The following PDE1A variants were observed in gnomAD, a reference collection of about 807,000 sequenced individuals.
PDE1A encodes dual specificity calcium/calmodulin-dependent 3',5'-cyclic nucleotide phosphodiesterase 1A.
Under a neutral mutation model 61.7 loss-of-function variants are expected in PDE1A, and 35 were observed. That is an observed-to-expected ratio of 0.57 (90% CI 0.43 to 0.75). PDE1A has a LOEUF of 0.75. Ranked by LOEUF, PDE1A falls within the 30% of genes least tolerant of loss-of-function variation. The probability of loss-of-function intolerance (pLI) is 0.00; values close to 1 mark genes in which losing one functional copy is unlikely to be tolerated. For missense variants in PDE1A, 597 were observed against 630.6 expected (o/e 0.95, Z 0.57); for synonymous variants, 232 against 213.2 (o/e 1.09, Z -0.77).
At chr2:182,265,430 G>A (rs929109998) in intron 1 of PDE1A, among the ~76,000 whole-genome samples, 7 of 151,914 alleles carry the variant, frequency 4.6e-5, no homozygotes, top group African/African-American at 1.2e-4. Context: ...AAAAATATAC[G>A]TATGTGTCCT....
At chr2:182,386,724 C>G (rs1336115776) in intron 1 of PDE1A, among the ~76,000 whole-genome samples, 1 of 152,070 alleles carries the variant, frequency 6.6e-6, no homozygotes, top group Admixed American at 6.5e-5. Flanking sequence ...AGCGTCTCCG[C>G]CCGGCAGCCA....
intron 2 of PDE1A, among the ~76,000 whole-genome samples, chr2:182,443,832 T>C (rs1684955793): frequency 6.6e-6 from 1 of 151,644 alleles, no homozygotes; most frequent in Admixed American, 6.6e-5. Flanking sequence ...GCCTCCCAAG[T>C]AGCTGGGATT....
chr2:182,357,040 G>C (rs948548927), intron 1 of PDE1A, among the ~76,000 whole-genome samples: 4 of 152,040 alleles, frequency 2.6e-5, no homozygotes, highest in Non-Finnish European at 5.9e-5. Context: ...GTGGGGTGTG[G>C]GGAGCGGGGA....
chr2:182,446,584 T>C (rs1424403409), intron 2 of PDE1A, among the ~76,000 whole-genome samples: 1 of 152,154 alleles, frequency 6.6e-6, no homozygotes, highest in Non-Finnish European at 1.5e-5. Flanking sequence ...AAAGAGCATG[T>C]ATTCAGATTG....
chr2:182,162,424 C>A (rs1013669375), intron 13 of PDE1A, among the ~76,000 whole-genome samples: 4 of 152,150 alleles, frequency 2.6e-5, no homozygotes, highest in African/African-American at 9.7e-5. Context: ...CTTACTTGAA[C>A]TGTAGAAGCA....
chr2:182,436,557 T>C (rs1369692663), intron 2 of PDE1A, among the ~76,000 whole-genome samples: 1 of 151,962 alleles, frequency 6.6e-6, no homozygotes, highest in Non-Finnish European at 1.5e-5. Flanking sequence ...TGAACCCTCA[T>C]CTTGCTCTAT....
chr2:182,221,072 T>G (rs1215154470), intron 7 of PDE1A, among the ~76,000 whole-genome samples: 2 of 151,844 alleles, frequency 1.3e-5, no homozygotes, highest in Admixed American at 6.6e-5. Flanking sequence ...TCTGCCCCCA[T>G]CTACCCCTTC....
At chr2:182,526,410 G>A (rs1210273618), upstream of PDE1A, among the ~76,000 whole-genome samples, 2 of 152,094 alleles carry the variant, frequency 1.3e-5, no homozygotes, top group East Asian at 1.9e-4. Context: ...CAGAAAATAA[G>A]GGTTTGGGTC....
At chr2:182,253,964 C>T in intron 2 of PDE1A, among the ~76,000 whole-genome samples, 1 of 151,676 alleles carries the variant, frequency 6.6e-6, no homozygotes, top group Non-Finnish European at 1.5e-5. Flanking sequence ...AATATGTTGC[C>T]TTGGATGTAA....
chr2:182,242,097 A>T, intron 2 of PDE1A: 1 of 1,280,050 alleles, frequency 7.8e-7, no homozygotes, highest in Non-Finnish European at 9.9e-7. Context: ...TGCTCCAAGC[A>T]TTCCACTGCA....
the PDE1A span, among the ~76,000 whole-genome samples, chr2:182,645,704 A>G: frequency 5.9e-5 from 9 of 152,220 alleles, no homozygotes; most frequent in Admixed American, 1.3e-4. Context: ...ATTTCTAATG[A>G]AAAGAAAAAA....
chr2:182,704,660 A>G, the PDE1A span, among the ~76,000 whole-genome samples: 6 of 152,360 alleles, frequency 3.9e-5, no homozygotes, highest in African/African-American at 1.4e-4. Context: ...AATTTTCCCC[A>G]AAATTAATGA....
At chr2:182,160,481 T>TCC (rs1183422567) in intron 13 of PDE1A, among the ~76,000 whole-genome samples, 3 of 152,160 alleles carry the variant, frequency 2.0e-5, no homozygotes, top group African/African-American at 7.2e-5. Flanking sequence ...GGCCTCTCTG[T>TCC]CTCTCTCTTC....
At chr2:182,454,696 T>A (rs1414993767) in intron 2 of PDE1A, among the ~76,000 whole-genome samples, 2 of 151,762 alleles carry the variant, frequency 1.3e-5, no homozygotes, top group African/African-American at 4.8e-5. Flanking sequence ...TAAATGGTGC[T>A]GGGAAAACTG....
chr2:182,292,236 T>G (rs892473360), intron 1 of PDE1A, among the ~76,000 whole-genome samples: 3 of 152,064 alleles, frequency 2.0e-5, no homozygotes, highest in African/African-American at 7.2e-5. Flanking sequence ...CTGATTAGAA[T>G]GCAGATATTT....
intron 1 of PDE1A, among the ~76,000 whole-genome samples, chr2:182,338,438 A>G (rs747204626): frequency 6.6e-6 from 1 of 152,206 alleles, no homozygotes; most frequent in Non-Finnish European, 1.5e-5. Context: ...TTGCATAAGT[A>G]CCTATGTAAT....
intron 2 of PDE1A, among the ~76,000 whole-genome samples, chr2:182,442,879 T>C (rs1259895851): frequency 6.6e-6 from 1 of 152,092 alleles, no homozygotes; most frequent in Admixed American, 6.6e-5. Context: ...GATGCCATAT[T>C]TCAGAAGCAA....
chr2:182,207,913 G>A (rs908775391), intron 7 of PDE1A, among the ~76,000 whole-genome samples: 2 of 152,240 alleles, frequency 1.3e-5, no homozygotes, highest in African/African-American at 4.8e-5. Context: ...GCTTCAGAGG[G>A]TGAAAGCCCC....
the PDE1A span, among the ~76,000 whole-genome samples, chr2:182,704,262 T>TTCC: frequency 1.3e-5 from 2 of 151,460 alleles, no homozygotes; most frequent in Non-Finnish European, 2.9e-5. Context: ...AAGCTCCCTG[T>TTCC]TCCTACTCAT....
Sources: allele counts gnomAD v4.1 joint callset (sites outside exome capture counted in the v4.1 genomes callset), GRCh38; gene constraint gnomAD v4.1.1; transcripts MANE v1.5; gene names NCBI Gene and HGNC (gene_info 2026-07-23, HGNC 2026-07-21).